BLK: variants seen among roughly 807,000 people sequenced by gnomAD.
BLK encodes the protein BLK proto-oncogene, Src family tyrosine kinase, also known as tyrosine-protein kinase Blk.
BLK carries 64 observed loss-of-function variants against 61.8 expected under a neutral mutation model. The observed-to-expected ratio is 1.03, with a 90% CI of 0.85 to 1.27. The LOEUF is 1.27. BLK is among the 50% of genes most tolerant of loss of function. The pLI, the probability that BLK is intolerant of heterozygous loss-of-function variation, is 0.00. For synonymous variants in BLK, 351 were observed against 272.0 expected (o/e 1.29, Z -2.86); for missense variants, 853 against 660.5 (o/e 1.29, Z -3.19).
At chr8:11,554,717 C>G (rs367864951) in intron 6 of BLK, 26 bp from the exon 7 acceptor site, 1 of 1,611,420 alleles carries the variant, frequency 6.2e-7, no homozygotes, top group Admixed American at 1.7e-5. Flanking sequence ...CCTTACTTCT[C>G]GTGTGTGTCT....
rs563612531 is a variant in BLK at position 11,559,484 on chromosome 8, AAC to A, written c.1029+1450_1029+1451del. ...TCAGACTCAAACACAAACTCACACAAACACATTTACACAAACTCACAAACTCA... is the reference window on the plus strand; with the variant it reads ...TCAGACTCAAACACAAACTCACACAAACATTTACACAAACTCACAAACTCA... On this transcript the variant is annotated intron_variant, in intron 10 of 12. Coordinates refer to ENST00000259089, the MANE Select transcript of BLK (RefSeq NM_001715.3). 1.5e-3 allele frequency among the ~76,000 whole-genome samples: 226 copies of A among 149,496 alleles called. 2 individuals are homozygous for A. Among genetic ancestry groups the A allele is most frequent in the African/African-American group, 5.4e-3 (219 of 40,546 alleles).
intron 6 of BLK, among the ~76,000 whole-genome samples, chr8:11,551,082 G>T (rs1334629859): frequency 6.6e-6 from 1 of 152,060 alleles, no homozygotes; most frequent in African/African-American, 2.4e-5. Context: ...TCTTCTCTGT[G>T]GTTTCGCCAC....
At chr8:11,548,212 C>T (rs1287476369) in intron 4 of BLK, 87 bp downstream of exon 4, 40 of 1,191,374 alleles carry the variant, frequency 3.4e-5, no homozygotes, top group Non-Finnish European at 4.7e-5. Flanking sequence ...TCCTCCATGG[C>T]TGACCCTGGA....
At chr8:11,508,534 C>T (rs574796552) in intron 1 of BLK, among the ~76,000 whole-genome samples, 2 of 152,380 alleles carry the variant, frequency 1.3e-5, no homozygotes, top group South Asian at 4.1e-4. Flanking sequence ...CAGCCCCCAC[C>T]CGTGGCTTTT....
chr8:11,504,522 G>A (rs1158024600), intron 1 of BLK, among the ~76,000 whole-genome samples: 8 of 152,162 alleles, frequency 5.3e-5, no homozygotes, highest in East Asian at 1.9e-4. Flanking sequence ...AGAAGTAGGC[G>A]CCTTCAGAAG....
At chr8:11,556,976 G>T in intron 9 of BLK, 139 bp downstream of exon 9, 24 of 600,478 alleles carry the variant, frequency 4.0e-5, no homozygotes, top group East Asian at 1.2e-4. Flanking sequence ...TGGGGACAGG[G>T]AGGGATGGAG....
At chr8:11,508,238 C>T (rs1052567369) in intron 1 of BLK, among the ~76,000 whole-genome samples, 13 of 152,200 alleles carry the variant, frequency 8.5e-5, no homozygotes, top group Non-Finnish European at 1.5e-4. Context: ...TGTCACGGCG[C>T]GAAGGCTAAG....
chr8:11,520,510 A>T (rs1563435685), intron 1 of BLK, among the ~76,000 whole-genome samples: 1 of 150,344 alleles, frequency 6.7e-6, no homozygotes. Context: ...AAAGGAAGAA[A>T]GAAAAAGAAA....
intron 8 of BLK, 49 bp from the exon 9 acceptor site, chr8:11,556,609 G>C: frequency 6.2e-7 from 1 of 1,612,786 alleles, no homozygotes; most frequent in Non-Finnish European, 8.5e-7. Flanking sequence ...GATCACCTCC[G>C]AGCAAGCTCT....
intron 7 of BLK, 46 bp downstream of exon 7, chr8:11,554,935 C>G (rs114620716): frequency 1.2e-6 from 2 of 1,601,306 alleles, no homozygotes; most frequent in African/African-American, 2.7e-5. Flanking sequence ...GCCAAGAGCC[C>G]CTGGATCTCT....
At chr8:11,555,238 G>A in intron 7 of BLK, 94 bp from the exon 8 acceptor site, 1 of 1,542,154 alleles carries the variant, frequency 6.5e-7, no homozygotes, top group African/African-American at 1.4e-5. Flanking sequence ...GGGGTGGCTG[G>A]GGAGTGGAGG....
chr8:11,503,972 T>G (rs1291991907), intron 1 of BLK, among the ~76,000 whole-genome samples: 1 of 152,182 alleles, frequency 6.6e-6, no homozygotes, highest in African/African-American at 2.4e-5. Context: ...TGAAGGGATC[T>G]ACCCTGGGGC....
chr8:11,563,879 C>T (rs1380228700), intron 12 of BLK, 24 bp from the exon 13 acceptor site: 9 of 1,600,622 alleles, frequency 5.6e-6, no homozygotes, highest in South Asian at 1.1e-5. Flanking sequence ...CCCTCACCCC[C>T]GCTTGCGGTC....
chr8:11,526,841 G>A (rs1342591126), intron 1 of BLK, among the ~76,000 whole-genome samples: 1 of 152,172 alleles, frequency 6.6e-6, no homozygotes, highest in Admixed American at 6.5e-5. Flanking sequence ...ATATAACTAT[G>A]TAAATTTTGT....
intron 2 of BLK, among the ~76,000 whole-genome samples, chr8:11,544,122 A>G (rs1467245839): frequency 6.6e-6 from 1 of 151,966 alleles, no homozygotes; most frequent in Non-Finnish European, 1.5e-5. Flanking sequence ...ATGCCACCAC[A>G]CCTGGCTAAT....
intron 9 of BLK, 29 bp downstream of exon 9, chr8:11,556,866 A>G (rs753350384): frequency 6.2e-7 from 1 of 1,610,106 alleles, no homozygotes; most frequent in Non-Finnish European, 8.5e-7. Flanking sequence ...CCGCATCCTC[A>G]GAGCGAGGCG....
At chr8:11,510,265 C>T (rs1380002551) in intron 1 of BLK, among the ~76,000 whole-genome samples, 1 of 152,154 alleles carries the variant, frequency 6.6e-6, no homozygotes, top group African/African-American at 2.4e-5. Context: ...GTGATAGTGA[C>T]TTGAGTTTTT....
chr8:11,545,423 C>T lies in BLK; in HGVS notation c.124-629C>T, dbSNP rs572262929. The stretch of plus-strand genomic sequence containing the variant: ...AATTAGCTGGGCGTGATGGCGGGCA[C>T]CTGTAATCTCAGCTACTTGGGAGGC... On this transcript the variant is annotated intron_variant, in intron 2 of 12. Coordinates refer to ENST00000259089, the MANE Select transcript of BLK (RefSeq NM_001715.3). Among the ~76,000 whole-genome samples, 4 of 152,232 alleles carry T rather than the reference C, an allele frequency of 2.6e-5. No homozygotes were observed. The South Asian group carries it at 6.2e-4, about 24-fold the overall frequency.
chr8:11,529,571 A>G (rs1421710395), intron 1 of BLK, among the ~76,000 whole-genome samples: 2 of 152,182 alleles, frequency 1.3e-5, no homozygotes, highest in Admixed American at 1.3e-4. Context: ...AGAATCTTGT[A>G]GCCTCCAGCT....
Sources: gnomAD v4.1 joint callset for allele counts (sites outside exome capture counted in the v4.1 genomes callset) on GRCh38, gnomAD v4.1.1 for gene constraint, MANE v1.5 for transcripts, NCBI Gene and HGNC (gene_info 2026-07-23, HGNC 2026-07-21) for gene names.